Variants in ZFP57 observed in about 807,000 individuals in gnomAD.
ZFP57 encodes zinc finger protein 57 homolog.
In ZFP57, 12 loss-of-function variants were observed where a neutral mutation model predicts 15.8. The observed-to-expected ratio is 0.76, with a 90% CI of 0.49 to 1.23. The LOEUF is 1.23. Among genes scored for constraint, ZFP57 ranks in the 50% most tolerant of loss-of-function variants. The pLI is 0.00. For missense variants in ZFP57, 536 were observed against 654.9 expected (o/e 0.82, Z 1.98); for synonymous variants, 203 against 242.3 (o/e 0.84, Z 1.51).
In ZFP57 at chr6:29,676,890, C is replaced by T. The variant is rs1772102945; in HGVS notation, c.114G>A (p.Arg38=). 6.2e-7 allele frequency: 1 copy of T among 1,613,998 alleles called. No individual in the cohort carries two copies. The highest frequency in any genetic ancestry group is 1.3e-5 in the African/African-American group (1 of 74,930). ...AMKRDCWREA[R]VKKKPVTFED... The stretch of plus-strand genomic sequence containing the variant: ...AGCTTAGTCTCCTCACCTTCTTCAC[C>T]CGTGCCTCCCTCCAGCAATCTCTCT... The change falls in exon 2 of 5, where the codon CGG becomes CGA. Residue 38 remains arginine (R), a synonymous_variant. Coordinates refer to ENST00000376883, the MANE Select transcript of ZFP57 (RefSeq NM_001109809.5).
intron 1 of ZFP57, among the ~76,000 whole-genome samples, chr6:29,680,538 C>T (rs1347517758): frequency 6.6e-6 from 1 of 152,158 alleles, no homozygotes; most frequent in African/African-American, 2.4e-5. Context: ...GGACCCTTTC[C>T]AGCCATTGCC....
In ZFP57 at chr6:29,673,066, T is replaced by C. The variant is rs759027006; in HGVS notation, c.1045A>G (p.Lys349Glu). The C allele has an allele frequency of 6.2e-7, 1 of 1,612,954 alleles. No individual in the cohort carries two copies. The highest frequency in any genetic ancestry group is 8.5e-7 in the Non-Finnish European group (1 of 1,180,004). The change falls in exon 5 of 5, where the codon AAG becomes GAG. Residue 349 changes from lysine to glutamate, a missense_variant. Coordinates refer to ENST00000376883, the MANE Select transcript of ZFP57 (RefSeq NM_001109809.5). The surrounding 1 kb of genome is among the most constrained non-coding windows in gnomAD (Gnocchi z 4.7). ...GTCCTGGTCACAGGTGCTTGGTTCT[T>C]AAGTACAGATGCCTGGTTCTGGGCC... is the stretch of plus-strand genomic sequence containing the variant. ...PMAQNQASVL[K>E]NQAPVTRTQA...
intron 1 of ZFP57, among the ~76,000 whole-genome samples, chr6:29,680,439 C>T (rs1772285591): frequency 6.6e-6 from 1 of 152,208 alleles, no homozygotes; most frequent in Non-Finnish European, 1.5e-5. Context: ...AACCCTGCTA[C>T]TCCAGCCACG....
Position 29,673,581 on chromosome 6 carries a change from C to CA in ZFP57, c.529dup (p.Cys177LeufsTer16), listed in dbSNP as rs1272756745. Reference sequence around the variant, plus strand: ...GCTGAAACATTTGCCACAGGTGTAGCAAAAAAAGGGTGGCCCAGCCTGGGA... The same window carrying CA: ...GCTGAAACATTTGCCACAGGTGTAGCAAAAAAAAGGGTGGCCCAGCCTGGGA... On this transcript the variant is annotated frameshift_variant, in exon 5 of 5. Coordinates refer to ENST00000376883, the MANE Select transcript of ZFP57 (RefSeq NM_001109809.5). LOFTEE classifies it low-confidence loss of function (END_TRUNC). The surrounding 1 kb of genome is among the most constrained non-coding windows in gnomAD (Gnocchi z 4.7). 1.9e-6 allele frequency: 3 copies of CA among 1,611,744 alleles called. No individual in the cohort carries two copies. Among genetic ancestry groups the CA allele is most frequent in the Non-Finnish European group, 2.5e-6 (3 of 1,179,594 alleles).
chr6:29,678,812 C>T (rs1451518779), intron 1 of ZFP57, among the ~76,000 whole-genome samples: 2 of 152,146 alleles, frequency 1.3e-5, no homozygotes, highest in African/African-American at 4.8e-5. Flanking sequence ...CGCGGTGGAT[C>T]ACTTCAGGGC....
chr6:29,678,046 A>C (rs1772163579), intron 1 of ZFP57, among the ~76,000 whole-genome samples: 1 of 152,172 alleles, frequency 6.6e-6, no homozygotes, highest in Admixed American at 6.5e-5. Flanking sequence ...CTAAAAATAC[A>C]AAAAGAAAAT....
At chr6:29,680,668 A>G (rs928851129) in intron 1 of ZFP57, among the ~76,000 whole-genome samples, 2 of 152,194 alleles carry the variant, frequency 1.3e-5, no homozygotes, top group African/African-American at 4.8e-5. Context: ...GTGGCCGGGA[A>G]CAAAGCCGGT....
At chr6:29,675,809 A>T in intron 3 of ZFP57, 124 bp downstream of exon 3, 6 of 1,243,008 alleles carry the variant, frequency 4.8e-6, no homozygotes, top group Non-Finnish European at 5.9e-6. Flanking sequence ...GATCTTTCAC[A>T]CCTGGAAAGC....
At chr6:29,678,648 TTCTA>T (rs34630607) in intron 1 of ZFP57, among the ~76,000 whole-genome samples, 25,443 of 152,096 alleles carry the variant, frequency 0.17, 2,560 homozygotes, top group East Asian at 0.32. Context: ...GCTGTAATTG[TTCTA>T]TCTTATTACT....
At chr6:29,679,473 CCTCT>C (rs971283459) in intron 1 of ZFP57, among the ~76,000 whole-genome samples, 13 of 152,170 alleles carry the variant, frequency 8.5e-5, no homozygotes, top group Non-Finnish European at 1.9e-4. Context: ...TTCCTTTCTT[CCTCT>C]CTCTTTCTTT....
chr6:29,675,151 CAAAAAAAAAAAAA>C (rs11357168), intron 4 of ZFP57, among the ~76,000 whole-genome samples: 2 of 81,952 alleles, frequency 2.4e-5, no homozygotes, highest in Non-Finnish European at 4.5e-5. Flanking sequence ...GACTGTGTCT[CAAAAAAAAAAAAA>C]AAAAAAAAAA....
chr6:29,674,660 C>T (rs752783611), intron 4 of ZFP57, among the ~76,000 whole-genome samples: 9 of 152,196 alleles, frequency 5.9e-5, no homozygotes, highest in Non-Finnish European at 7.3e-5. Context: ...GTGTATCAGC[C>T]TGGCTTGATA....
intron 4 of ZFP57, among the ~76,000 whole-genome samples, chr6:29,674,853 A>T (rs1233634047): frequency 3.9e-5 from 6 of 152,140 alleles, no homozygotes; most frequent in Admixed American, 3.3e-4. Context: ...TTCTCCTGAA[A>T]GACTTAGATC....
chr6:29,680,965 G>A (rs1322268921), intron 1 of ZFP57, 97 bp downstream of exon 1: 1 of 152,290 alleles, frequency 6.6e-6, no homozygotes, highest in African/African-American at 2.4e-5. Context: ...GGGGCGCAGT[G>A]CTCCCCTGGC....
At chr6:29,672,426 T>G (rs1771699010), downstream of ZFP57, 2 of 1,574,850 alleles carry the variant, frequency 1.3e-6, no homozygotes, top group East Asian at 4.5e-5. Flanking sequence ...CTCCCTCTAC[T>G]CCAGCCTCAT....
rs749291665 is a variant in ZFP57, at chr6:29,673,490, C to T, written c.621G>A (p.Gln207=). The part of the protein sequence containing the change: ...HNPKLTNSCS[Q]CGKLFRSPKS... ...TGGGGCTCCGAAACAACTTCCCACA[C>T]TGACTGCAGCTGTTAGTCAGCTTGG... The change falls in exon 5 of 5, where the codon CAG becomes CAA. Residue 207 remains glutamine, a synonymous_variant. Transcript: ENST00000376883. The surrounding 1 kb of genome is among the most constrained non-coding windows in gnomAD (Gnocchi z 4.7). 44 of 1,613,020 alleles carry T rather than the reference C, an allele frequency of 2.7e-5. No homozygotes were observed. Among genetic ancestry groups the T allele is most frequent in the Non-Finnish European group, 2.6e-5 (31 of 1,180,060 alleles).
chr6:29,673,031 GGGTGCCTGGGTCCTGGTCACA>G lies in ZFP57; in HGVS notation c.1059_1079del (p.Val354_Pro360del). The G allele has an allele frequency of 2.5e-6, 4 of 1,613,050 alleles. No homozygotes were observed. The highest frequency in any genetic ancestry group is 3.4e-6 in the Non-Finnish European group (4 of 1,180,030). On this transcript the variant is annotated inframe_deletion, in exon 5 of 5. Transcript: ENST00000376883. The surrounding 1 kb of genome is among the most constrained non-coding windows in gnomAD (Gnocchi z 4.7). ...CATCCTGACAGAGGGTTCCAGTGATGGGTGCCTGGGTCCTGGTCACAGGTGCTTGGTTCTTAAGTACAGATG... is the reference window on the plus strand; with the variant it reads ...CATCCTGACAGAGGGTTCCAGTGATGGGTGCTTGGTTCTTAAGTACAGATG...
intron 1 of ZFP57, among the ~76,000 whole-genome samples, chr6:29,679,906 C>A (rs867624788): frequency 1.1e-3 from 135 of 128,460 alleles, no homozygotes; most frequent in East Asian, 7.3e-3. Context: ...AACAAACAAA[C>A]AAACAAAAAA....
chr6:29,676,014 C>G lies in ZFP57; in HGVS notation c.169G>C (p.Glu57Gln). 1 of 1,613,586 alleles carries G rather than the reference C, an allele frequency of 6.2e-7. No homozygotes were observed. The highest frequency in any genetic ancestry group is 8.5e-7 in the Non-Finnish European group (1 of 1,180,022). The change falls in exon 3 of 5, where the codon GAG becomes CAG. Residue 57 changes from glutamate to glutamine, a missense_variant. Coordinates refer to ENST00000376883, the MANE Select transcript of ZFP57 (RefSeq NM_001109809.5). The stretch of plus-strand genomic sequence containing the variant: ...TGGCTGGCATCTAGACAGTCCCACT[C>G]TTCCTGGGTGAAATTCACTGCCACA... ...EDVAVNFTQE[E>Q]WDCLDASQRV...
Sources: gnomAD v4.1 joint callset for allele counts (sites outside exome capture counted in the v4.1 genomes callset) on GRCh38, gnomAD v4.1.1 for gene constraint, Gnocchi (gnomAD v3.1) non-coding constraint, MANE v1.5 for transcripts, NCBI Gene and HGNC (gene_info 2026-07-23, HGNC 2026-07-21) for gene names.